Variants in ZKSCAN3 observed in about 807,000 individuals in gnomAD.
ZKSCAN3 encodes the protein zinc finger with KRAB and SCAN domains 3.
A neutral mutation model predicts 30.7 loss-of-function variants in ZKSCAN3; 21 were observed. The ratio of observed to expected loss-of-function variants is 0.68; its 90% CI spans 0.49 to 0.99. The LOEUF (loss-of-function observed/expected upper bound fraction) is 0.99. Ranked by LOEUF, ZKSCAN3 falls within the 50% of genes least tolerant of loss-of-function variation. The pLI is 0.00. For missense variants in ZKSCAN3, 507 were observed against 647.1 expected (o/e 0.78, Z 2.35); for synonymous variants, 201 against 246.7 (o/e 0.81, Z 1.73).
At chr6:28,360,948 A>G (rs1211895489) in intron 2 of ZKSCAN3, among the ~76,000 whole-genome samples, 3 of 152,210 alleles carry the variant, frequency 2.0e-5, no homozygotes, top group Non-Finnish European at 2.9e-5. Flanking sequence ...CATAAACTAG[A>G]GATTGTAATC....
At chr6:28,352,489 G>C (rs921587116) in intron 1 of ZKSCAN3, among the ~76,000 whole-genome samples, 3 of 152,050 alleles carry the variant, frequency 2.0e-5, no homozygotes, top group Non-Finnish European at 4.4e-5. Flanking sequence ...CTGACCCCAG[G>C]AAATCTGCCT....
At chr6:28,353,637 C>A (rs1043830501) in intron 1 of ZKSCAN3, among the ~76,000 whole-genome samples, 1 of 152,090 alleles carries the variant, frequency 6.6e-6, no homozygotes, top group Admixed American at 6.6e-5. Context: ...GATTTGTTTG[C>A]AAGATTTCCA....
At chr6:28,354,513 T>G (rs1214499833) in intron 1 of ZKSCAN3, among the ~76,000 whole-genome samples, 1 of 152,096 alleles carries the variant, frequency 6.6e-6, no homozygotes, top group African/African-American at 2.4e-5. Context: ...CACACAGGCT[T>G]GACACATAAG....
In ZKSCAN3 at chr6:28,368,779, C is replaced by CT. The variant is rs1250812721; in HGVS notation, c.*2500dup. On this transcript the variant is annotated 3_prime_UTR_variant, in exon 6 of 6. Coordinates refer to ENST00000252211, the MANE Select transcript of ZKSCAN3 (RefSeq NM_024493.4). ...TGTGACAACTGTGGAAAGACAGTTC[C>CT]TTTTTTGTTAGTATCACTTCTACTT... 5 of 155,104 alleles carry CT rather than the reference C, an allele frequency of 3.2e-5. No homozygotes were observed. Among genetic ancestry groups the CT allele is most frequent in the Non-Finnish European group, 7.3e-5 (5 of 68,214 alleles). 9.6% of individuals were successfully genotyped at this position (155,104 alleles called of 1,614,324 possible). A position where few individuals can be genotyped will look rare whatever the true frequency, so the allele number is the denominator to read the frequency against.
intron 1 of ZKSCAN3, among the ~76,000 whole-genome samples, chr6:28,357,220 C>T (rs1163078052): frequency 6.6e-6 from 1 of 152,232 alleles, no homozygotes; most frequent in Non-Finnish European, 1.5e-5. Flanking sequence ...CCTATGCCTG[C>T]TTCGCTGCAG....
intron 1 of ZKSCAN3, chr6:28,353,846 T>C (rs780660536): frequency 4.4e-6 from 2 of 457,036 alleles, no homozygotes; most frequent in Admixed American, 2.3e-5. Flanking sequence ...TTAGCCAACA[T>C]GTATATGGTA....
Position 28,366,421 on chromosome 6 carries a change from T to C in ZKSCAN3, c.*136T>C. 1 of 976,616 alleles carries C rather than the reference T, an allele frequency of 1.0e-6. No homozygotes were observed. The highest frequency in any genetic ancestry group is 2.2e-4 in the Middle Eastern group (1 of 4,462). 60.5% of individuals were successfully genotyped at this position (976,616 alleles called of 1,614,324 possible). Reference sequence around the variant, plus strand: ...TTATCAGGTGTTAGAAAATGTAGACTGGGTTAGACAAATTATCTTCTAAGT... The same window carrying C: ...TTATCAGGTGTTAGAAAATGTAGACCGGGTTAGACAAATTATCTTCTAAGT... On this transcript the variant is annotated 3_prime_UTR_variant, in exon 6 of 6. Coordinates refer to ENST00000252211, the MANE Select transcript of ZKSCAN3 (RefSeq NM_024493.4).
intron 1 of ZKSCAN3, among the ~76,000 whole-genome samples, chr6:28,358,569 C>T (rs1323220514): frequency 6.6e-6 from 1 of 151,918 alleles, no homozygotes; most frequent in Non-Finnish European, 1.5e-5. Context: ...TGCTGTATAA[C>T]ATTTACCTCA....
chr6:28,357,200 T>A (rs1024911040), intron 1 of ZKSCAN3, among the ~76,000 whole-genome samples: 10 of 152,238 alleles, frequency 6.6e-5, no homozygotes, highest in African/African-American at 2.2e-4. Flanking sequence ...ATGCAGGATG[T>A]TTACCTCGGC....
Position 28,359,537 on chromosome 6 carries a change from G to A in ZKSCAN3, c.-50G>A, listed in dbSNP as rs1257196241. On this transcript the variant is annotated 5_prime_UTR_variant, in exon 2 of 6. Transcript: ENST00000252211. ...TCCCACCTTTCAGGGATCTTCTGCA[G>A]AAATAGCGCTGGAAGCTAGAGTGAG... The A allele has an allele frequency of 3.2e-6, 5 of 1,575,958 alleles. No homozygotes were observed. In the African/African-American group the frequency reaches 6.8e-5, roughly 22 times the overall value.
intron 1 of ZKSCAN3, among the ~76,000 whole-genome samples, chr6:28,357,306 A>G (rs1221808980): frequency 2.0e-5 from 3 of 152,174 alleles, no homozygotes; most frequent in African/African-American, 7.2e-5. Flanking sequence ...TAATGCTTAC[A>G]ATGGCCCTAT....
rs145611960 is a variant in ZKSCAN3, at chr6:28,354,834, G to A, written c.-62-4691G>A. Among the ~76,000 whole-genome samples, 1,039 of 152,298 alleles carry A rather than the reference G, an allele frequency of 6.8e-3. 12 individuals carry two copies. The highest frequency in any genetic ancestry group is 0.023 in the African/African-American group (947 of 41,554). Reference sequence around the variant, plus strand: ...CACATGGCCTGGCCCTACATGGGTCGGTGACTAGCCACTTCTGTAACTTCT... The same window carrying A: ...CACATGGCCTGGCCCTACATGGGTCAGTGACTAGCCACTTCTGTAACTTCT... On this transcript the variant is annotated intron_variant, in intron 1 of 5. Transcript: ENST00000252211.
At chr6:28,355,821 T>C (rs1765384443) in intron 1 of ZKSCAN3, 1 of 152,294 alleles carries the variant, frequency 6.6e-6, no homozygotes, top group African/African-American at 2.4e-5. Context: ...TGGAGCAATG[T>C]CGATTAAGAG....
chr6:28,365,465 C>T lies in ZKSCAN3; in HGVS notation c.797C>T (p.Ala266Val), dbSNP rs1224077851. The change falls in exon 6 of 6, where the codon GCT becomes GTT. Residue 266 changes from alanine (A) to valine (V), a missense_variant. Coordinates refer to ENST00000252211, the MANE Select transcript of ZKSCAN3 (RefSeq NM_024493.4). The stretch of plus-strand genomic sequence containing the variant: ...ACTAAGAGCAGGGACTTGCCTCCAG[C>T]TGAGGAGCTTCCAGAAAAGGAGCAT... ...KQTKSRDLPP[A>V]EELPEKEHGK... 1 of 1,613,746 alleles carries T rather than the reference C, an allele frequency of 6.2e-7. No homozygotes were observed. The highest frequency in any genetic ancestry group is 1.3e-5 in the African/African-American group (1 of 74,914).
intron 2 of ZKSCAN3, among the ~76,000 whole-genome samples, chr6:28,360,906 G>A (rs1555047): frequency 0.067 from 10,215 of 152,208 alleles, 410 homozygotes; most frequent in South Asian, 0.17. Context: ...GTGATTTCAC[G>A]TACTGTGATG....
At chr6:28,353,875 A>C (rs779218209) in intron 1 of ZKSCAN3, 1 of 456,690 alleles carries the variant, frequency 2.2e-6, no homozygotes, top group Non-Finnish European at 4.4e-6. Context: ...TGTCATGCCA[A>C]GTGTCAGGTT....
chr6:28,363,864 G>T, intron 5 of ZKSCAN3, 49 bp downstream of exon 5: 1 of 1,602,226 alleles, frequency 6.2e-7, no homozygotes, highest in Non-Finnish European at 8.5e-7. Flanking sequence ...GGCATTCTTT[G>T]TATATTAGAA....
Position 28,365,556 on chromosome 6 carries a change from A to T in ZKSCAN3, c.888A>T (p.Glu296Asp). ...TTCCTACATGTGCAGAAGCTGGTGA[A>T]CAGGAGGGCAGGCTACAAAGAAAGC... ...AQIPTCAEAG[E>D]QEGRLQRKQK... The change falls in exon 6 of 6, where the codon GAA becomes GAT. Residue 296 changes from glutamate (E) to aspartate (D), a missense_variant. By Grantham distance (45) the Glu-to-Asp change is conservative. Coordinates refer to ENST00000252211, the MANE Select transcript of ZKSCAN3 (RefSeq NM_024493.4). The T allele has an allele frequency of 6.2e-7, 1 of 1,614,248 alleles. No homozygotes were observed. The highest frequency in any genetic ancestry group is 8.5e-7 in the Non-Finnish European group (1 of 1,180,046).
intron 1 of ZKSCAN3, 143 bp from the exon 2 acceptor site, chr6:28,359,382 G>A: frequency 1.6e-6 from 1 of 630,024 alleles, no homozygotes; most frequent in Non-Finnish European, 2.7e-6. Context: ...CAGGTTTGGG[G>A]TGGTGTAGAG....
Sources: gnomAD v4.1 joint callset for allele counts (sites outside exome capture counted in the v4.1 genomes callset) on GRCh38, gnomAD v4.1.1 for gene constraint, MANE v1.5 for transcripts, NCBI Gene and HGNC (gene_info 2026-07-23, HGNC 2026-07-21) for gene names.